Variants in SLC24A3 observed in about 807,000 individuals in gnomAD.
The protein encoded by SLC24A3 is solute carrier family 24 member 3.
A neutral mutation model predicts 75.8 loss-of-function variants in SLC24A3; 28 were observed. The observed-to-expected ratio is 0.37, with a 90% CI of 0.27 to 0.51. SLC24A3 has a LOEUF of 0.51. Ranked by LOEUF, SLC24A3 falls within the 20% of genes least tolerant of loss-of-function variation. The pLI is 0.94. For missense variants in SLC24A3, 663 were observed against 847.8 expected, an observed-to-expected ratio of 0.78 and a Z score of 2.71; for synonymous variants, 372 against 334.1, an observed-to-expected ratio of 1.11 and a Z score of -1.24.
At chr20:19,541,871 T>C (rs1321587899) in intron 3 of SLC24A3, among the ~76,000 whole-genome samples, 1 of 152,226 alleles carries the variant, frequency 6.6e-6, no homozygotes, top group Admixed American at 6.5e-5. Flanking sequence ...CTGTAATTAA[T>C]TAGTCAGCAC....
intron 6 of SLC24A3, among the ~76,000 whole-genome samples, chr20:19,653,764 C>T (rs370674362): frequency 3.7e-4 from 57 of 152,226 alleles, no homozygotes; most frequent in Non-Finnish European, 7.6e-4. Context: ...CCTGTCTCCA[C>T]GGGGGTCAGA....
rs910113768 is a variant in SLC24A3, at chr20:19,631,901, C to T, written c.613-22161C>T. 6.6e-5 allele frequency among the ~76,000 whole-genome samples: 10 copies of T among 151,940 alleles called. 1 individual carries two copies. The highest frequency in any genetic ancestry group is 6.2e-4 in the South Asian group (3 of 4,810). ...GGAAATGTGAGTCTGGCTCTGACTCCGCTGTTCTCAACTGTGGGACCTTGG... is the reference window on the plus strand; with the variant it reads ...GGAAATGTGAGTCTGGCTCTGACTCTGCTGTTCTCAACTGTGGGACCTTGG... On this transcript the variant is annotated intron_variant, in intron 6 of 16. Transcript: ENST00000328041.
At chr20:19,519,473 T>C (rs1011017518) in intron 3 of SLC24A3, among the ~76,000 whole-genome samples, 29 of 152,208 alleles carry the variant, frequency 1.9e-4, no homozygotes, top group African/African-American at 6.8e-4. Flanking sequence ...ATTTCAGAAA[T>C]CCCAAGCCTG....
intron 2 of SLC24A3, among the ~76,000 whole-genome samples, chr20:19,283,645 C>T (rs1983722949): frequency 6.6e-6 from 1 of 152,146 alleles, no homozygotes; most frequent in Non-Finnish European, 1.5e-5. Context: ...TTATCTCTAC[C>T]CCGGGTCTTA....
intron 6 of SLC24A3, among the ~76,000 whole-genome samples, chr20:19,594,492 G>A (rs2031424571): frequency 6.6e-6 from 1 of 152,222 alleles, no homozygotes; most frequent in Non-Finnish European, 1.5e-5. Context: ...TGTGTTCTAG[G>A]GAGAAATGTT....
intron 15 of SLC24A3, among the ~76,000 whole-genome samples, chr20:19,708,373 C>T (rs2032951742): frequency 6.6e-6 from 1 of 152,168 alleles, no homozygotes; most frequent in African/African-American, 2.4e-5. Context: ...ATCAATGAAC[C>T]CATCAGTTCT....
chr20:19,537,891 G>A (rs1298549033), intron 3 of SLC24A3, among the ~76,000 whole-genome samples: 1 of 136,344 alleles, frequency 7.3e-6, no homozygotes, highest in Non-Finnish European at 1.6e-5. Flanking sequence ...GGTGGGGGGA[G>A]GGGGAGGGAT....
chr20:19,578,320 C>T (rs554842729), intron 3 of SLC24A3, among the ~76,000 whole-genome samples: 6 of 151,102 alleles, frequency 4.0e-5, no homozygotes, highest in Admixed American at 1.3e-4. Context: ...GTGTACTTTT[C>T]GTGTATGCAT....
At chr20:19,294,524 C>A (rs186293423) in intron 2 of SLC24A3, among the ~76,000 whole-genome samples, 1 of 152,296 alleles carries the variant, frequency 6.6e-6, no homozygotes, top group East Asian at 1.9e-4. Context: ...CATGTGGGAA[C>A]ATGCAGTGTT....
intron 6 of SLC24A3, among the ~76,000 whole-genome samples, chr20:19,625,998 T>C (rs1374485144): frequency 1.3e-5 from 2 of 152,208 alleles, no homozygotes; most frequent in African/African-American, 4.8e-5. Flanking sequence ...TCTAGGGGCA[T>C]AGTTTATTCA....
intron 4 of SLC24A3, 67 bp downstream of exon 4, chr20:19,580,141 C>A: frequency 1.4e-6 from 2 of 1,401,578 alleles, no homozygotes; most frequent in South Asian, 1.2e-5. Flanking sequence ...CTGTACTGTT[C>A]CAGCCTCCTC....
At chr20:19,674,141 G>A (rs1221669911) in intron 9 of SLC24A3, among the ~76,000 whole-genome samples, 1 of 152,142 alleles carries the variant, frequency 6.6e-6, no homozygotes, top group African/African-American at 2.4e-5. Context: ...ACATATCCTG[G>A]CATGGAGTTA....
At chr20:19,259,000 T>A (rs1291937147) in intron 1 of SLC24A3, among the ~76,000 whole-genome samples, 1 of 152,228 alleles carries the variant, frequency 6.6e-6, no homozygotes, top group African/African-American at 2.4e-5. Context: ...ACAAGCCTTG[T>A]TTCACAATTA....
chr20:19,259,666 G>T (rs1325908270), intron 1 of SLC24A3, among the ~76,000 whole-genome samples: 3 of 152,150 alleles, frequency 2.0e-5, no homozygotes, highest in African/African-American at 7.2e-5. Context: ...CTACAAGAGG[G>T]TGTTATCAAT....
intron 13 of SLC24A3, chr20:19,696,250 C>G (rs2032804747): frequency 6.6e-6 from 1 of 152,278 alleles, no homozygotes; most frequent in African/African-American, 2.4e-5. Context: ...AACTTTTGAA[C>G]TTAAGCAATC....
At chr20:19,578,454 C>G (rs973818662) in intron 3 of SLC24A3, among the ~76,000 whole-genome samples, 2 of 151,978 alleles carry the variant, frequency 1.3e-5, no homozygotes, top group Non-Finnish European at 2.9e-5. Context: ...TCTAGCAGCT[C>G]CAGATGTGGG....
chr20:19,332,090 G>T (rs1468556119), intron 2 of SLC24A3, among the ~76,000 whole-genome samples: 4 of 152,222 alleles, frequency 2.6e-5, no homozygotes, highest in African/African-American at 4.8e-5. Flanking sequence ...GGAGCGTCTT[G>T]CAGGGCTGGA....
At chr20:19,216,877 C>T (rs933047092) in intron 1 of SLC24A3, among the ~76,000 whole-genome samples, 1 of 152,198 alleles carries the variant, frequency 6.6e-6, no homozygotes, top group Non-Finnish European at 1.5e-5. Flanking sequence ...CTCTGCTCCA[C>T]TACATCTGGT....
chr20:19,392,693 C>T (rs1006077418), intron 2 of SLC24A3, among the ~76,000 whole-genome samples: 1 of 152,184 alleles, frequency 6.6e-6, no homozygotes, highest in Non-Finnish European at 1.5e-5. Context: ...TCCTGTTACC[C>T]TAGCTGGATG....
Sources: gnomAD v4.1 joint callset for allele counts (sites outside exome capture counted in the v4.1 genomes callset) on GRCh38, gnomAD v4.1.1 for gene constraint, MANE v1.5 for transcripts, NCBI Gene and HGNC (gene_info 2026-07-23, HGNC 2026-07-21) for gene names.